PCDHA3: variants seen among roughly 807,000 people sequenced by gnomAD.
The protein encoded by PCDHA3 is protocadherin alpha-3.
A neutral mutation model predicts 62.2 loss-of-function variants in PCDHA3; 41 were observed. The observed-to-expected ratio is 0.66, with a 90% CI of 0.51 to 0.86. The LOEUF is 0.86. PCDHA3 is among the 40% of genes least tolerant of loss of function. The pLI is 0.00. For missense variants in PCDHA3, 1,304 were observed against 1,241.2 expected (o/e 1.05, Z -0.76); for synonymous variants, 640 against 555.4 (o/e 1.15, Z -2.14).
chr5:140,867,215 C>T (rs989219715), intron 1 of PCDHA3: 14 of 152,216 alleles, frequency 9.2e-5, no homozygotes, highest in South Asian at 2.1e-4. Flanking sequence ...ACATCTTCAT[C>T]CCCAATTCCC....
intron 1 of PCDHA3, chr5:140,857,828 C>G (rs781917564): frequency 6.3e-7 from 1 of 1,597,660 alleles, no homozygotes; most frequent in South Asian, 1.1e-5. Flanking sequence ...GGCTAAGGTG[C>G]GCGCAGTGGA....
chr5:140,941,639 TC>T (rs2093135030), intron 1 of PCDHA3, among the ~76,000 whole-genome samples: 1 of 152,044 alleles, frequency 6.6e-6, no homozygotes, highest in Non-Finnish European at 1.5e-5. Context: ...ATTTCTGTCT[TC>T]CTACAACTTA....
At chr5:140,826,765 G>A (rs186327192) in intron 1 of PCDHA3, among the ~76,000 whole-genome samples, 1 of 152,174 alleles carries the variant, frequency 6.6e-6, no homozygotes, top group African/African-American at 2.4e-5. Flanking sequence ...TCATATTGGA[G>A]AGTAATTGAA....
At chr5:140,895,197 T>C (rs782373000) in intron 1 of PCDHA3, among the ~76,000 whole-genome samples, 2 of 152,182 alleles carry the variant, frequency 1.3e-5, no homozygotes, top group Non-Finnish European at 1.5e-5. Flanking sequence ...AAGTTTTGAA[T>C]TTGCTTTTAT....
chr5:140,882,364 C>G (rs1582611912), intron 1 of PCDHA3: 13 of 1,614,244 alleles, frequency 8.1e-6, no homozygotes, highest in Non-Finnish European at 1.1e-5. Flanking sequence ...GCCAGCTCCA[C>G]TACTCCGTCC....
At chr5:140,985,216 C>T (rs1009954667) in intron 3 of PCDHA3, among the ~76,000 whole-genome samples, 1 of 152,186 alleles carries the variant, frequency 6.6e-6, no homozygotes, top group South Asian at 2.1e-4. Context: ...GGATTACAGG[C>T]GTGAGCCACC....
At chr5:140,841,306 GAAACGACT>G in intron 1 of PCDHA3, 2 of 1,580,012 alleles carry the variant, frequency 1.3e-6, no homozygotes, top group Non-Finnish European at 1.7e-6. Flanking sequence ...TTTCTGATAG[GAAACGACT>G]ATTTAACATG....
rs149770195 is a variant in PCDHA3, at chr5:140,803,255, C to T, written c.2058C>T (p.Ala686=). The change falls in exon 1 of 4, where the codon GCC becomes GCT. Residue 686 remains alanine (A), a synonymous_variant. Transcript: ENST00000522353. The part of the protein sequence containing the change: ...PKASSQASAG[A]TGPEAALVDV... ...CCTCGTCCCAGGCGTCCGCTGGCGCCACGGGCCCGGAAGCTGCACTGGTGG... is the reference window on the plus strand; with the variant it reads ...CCTCGTCCCAGGCGTCCGCTGGCGCTACGGGCCCGGAAGCTGCACTGGTGG... 2.6e-4 allele frequency: 417 copies of T among 1,613,904 alleles called. No individual in the cohort carries two copies. Among genetic ancestry groups the T allele is most frequent in the Non-Finnish European group, 3.3e-4 (392 of 1,179,966 alleles).
chr5:140,980,229 T>C (rs2096881022), intron 2 of PCDHA3, among the ~76,000 whole-genome samples: 1 of 152,232 alleles, frequency 6.6e-6, no homozygotes, highest in South Asian at 2.1e-4. Flanking sequence ...TCTGAGCTGT[T>C]GGTGGAGACA....
intron 1 of PCDHA3, among the ~76,000 whole-genome samples, chr5:140,930,792 A>G (rs782797665): frequency 4.9e-4 from 74 of 152,228 alleles, no homozygotes; most frequent in Admixed American, 1.4e-3. Flanking sequence ...AATATAATAG[A>G]ATCCAGCATA....
intron 1 of PCDHA3, chr5:140,826,001 C>G (rs2150077180): frequency 6.6e-6 from 1 of 152,282 alleles, no homozygotes; most frequent in South Asian, 2.1e-4. Context: ...AGTAAATAGT[C>G]CACACTTTAC....
chr5:140,943,529 A>C (rs1291911076), intron 1 of PCDHA3, among the ~76,000 whole-genome samples: 1 of 152,220 alleles, frequency 6.6e-6, no homozygotes, highest in Non-Finnish European at 1.5e-5. Flanking sequence ...TCAGTATGCA[A>C]AATGTCATGT....
intron 1 of PCDHA3, chr5:140,809,545 G>A: frequency 6.2e-7 from 1 of 1,613,146 alleles, no homozygotes; most frequent in South Asian, 1.1e-5. Flanking sequence ...AAGATCAGCT[G>A]CAGACAACTG....
At chr5:140,963,952 G>T (rs1466185819) in intron 1 of PCDHA3, among the ~76,000 whole-genome samples, 1 of 152,176 alleles carries the variant, frequency 6.6e-6, no homozygotes, top group Non-Finnish European at 1.5e-5. Context: ...TTAGTCACTG[G>T]CAGGAGTGTG....
At chr5:140,907,093 C>A (rs1303875069) in intron 1 of PCDHA3, among the ~76,000 whole-genome samples, 2 of 152,090 alleles carry the variant, frequency 1.3e-5, no homozygotes, top group Non-Finnish European at 2.9e-5. Flanking sequence ...GTAAGTGGTG[C>A]CACTTCCACT....
intron 1 of PCDHA3, chr5:140,869,471 T>C (rs1554163114): frequency 6.2e-7 from 1 of 1,613,696 alleles, no homozygotes; most frequent in South Asian, 1.1e-5. Flanking sequence ...AACGTGGAGG[T>C]GAAGGACATT....
chr5:140,910,608 C>A (rs1161072744), intron 1 of PCDHA3, among the ~76,000 whole-genome samples: 3 of 152,208 alleles, frequency 2.0e-5, no homozygotes, highest in Non-Finnish European at 2.9e-5. Context: ...TCTAAACTGA[C>A]TAATCCACTC....
At chr5:140,859,459 C>G (rs1379028308) in intron 1 of PCDHA3, 1 of 216,756 alleles carries the variant, frequency 4.6e-6, no homozygotes, top group Non-Finnish European at 8.9e-6. Context: ...AGTGACAAAA[C>G]TACACTATCA....
At chr5:140,832,321 C>T (rs1475478969) in intron 1 of PCDHA3, among the ~76,000 whole-genome samples, 2 of 152,258 alleles carry the variant, frequency 1.3e-5, no homozygotes, top group Middle Eastern at 3.4e-3. Flanking sequence ...GCTTAAGGGC[C>T]ATTAGAGGAC....
Sources: allele counts gnomAD v4.1 joint callset (sites outside exome capture counted in the v4.1 genomes callset), GRCh38; gene constraint gnomAD v4.1.1; transcripts MANE v1.5; gene names NCBI Gene and HGNC (gene_info 2026-07-23, HGNC 2026-07-21).